CADM1: variants seen among roughly 807,000 people sequenced by gnomAD.
CADM1 encodes TSLC-1.
Under a neutral mutation model 53.1 loss-of-function variants are expected in CADM1, and 15 were observed. The ratio of observed to expected loss-of-function variants is 0.28; its 90% confidence interval spans 0.19 to 0.44. CADM1 has a LOEUF of 0.44. CADM1 is among the 20% of genes least tolerant of loss of function. The pLI is 1.00. For missense variants in CADM1, 434 were observed against 611.3 expected (o/e 0.71, Z 3.06); for synonymous variants, 281 against 243.0 (o/e 1.16, Z -1.45).
chr11:115,488,404 TAG>T (rs1341902557), intron 1 of CADM1, among the ~76,000 whole-genome samples: 3 of 152,170 alleles, frequency 2.0e-5, no homozygotes, highest in Non-Finnish European at 4.4e-5. Context: ...GTCAGGAAGT[TAG>T]AGTTATTGAG....
intron 1 of CADM1, among the ~76,000 whole-genome samples, chr11:115,346,138 A>C (rs1945570505): frequency 6.6e-6 from 1 of 152,150 alleles, no homozygotes; most frequent in Non-Finnish European, 1.5e-5. Context: ...CAGAGAGCAA[A>C]GTGGGGTGCA....
intron 1 of CADM1, among the ~76,000 whole-genome samples, chr11:115,496,369 AAG>A (rs1394953866): frequency 6.6e-6 from 1 of 152,182 alleles, no homozygotes; most frequent in African/African-American, 2.4e-5. Context: ...AAAAAAGATA[AAG>A]AGAGTATTTT....
intron 1 of CADM1, among the ~76,000 whole-genome samples, chr11:115,466,246 G>A (rs563440718): frequency 6.6e-6 from 1 of 152,274 alleles, no homozygotes; most frequent in East Asian, 1.9e-4. Context: ...GACATTTCCT[G>A]CTGGCTGTGA....
At chr11:115,447,804 C>T (rs564467139) in intron 1 of CADM1, among the ~76,000 whole-genome samples, 1 of 152,284 alleles carries the variant, frequency 6.6e-6, no homozygotes, top group Non-Finnish European at 1.5e-5. Context: ...GGGTGGAATT[C>T]CAGCAAGTTT....
chr11:115,401,865 T>C (rs1441256169), intron 1 of CADM1, among the ~76,000 whole-genome samples: 3 of 152,142 alleles, frequency 2.0e-5, no homozygotes, highest in Non-Finnish European at 2.9e-5. Flanking sequence ...GTAGAGGATG[T>C]TGACAACAGG....
chr11:115,467,774 T>A (rs544131457), intron 1 of CADM1, among the ~76,000 whole-genome samples: 3 of 152,284 alleles, frequency 2.0e-5, no homozygotes, highest in Non-Finnish European at 2.9e-5. Flanking sequence ...GGTTTTCTCC[T>A]TACTCTTCAG....
chr11:115,417,334 T>C (rs890296413), intron 1 of CADM1, among the ~76,000 whole-genome samples: 5 of 152,350 alleles, frequency 3.3e-5, no homozygotes, highest in Admixed American at 3.3e-4. Flanking sequence ...AACTAATTCA[T>C]GACTATGCTA....
intron 1 of CADM1, among the ~76,000 whole-genome samples, chr11:115,301,360 G>T (rs1227358287): frequency 6.6e-6 from 1 of 152,116 alleles, no homozygotes; most frequent in Non-Finnish European, 1.5e-5. Context: ...TGGGTGTTGG[G>T]AAGTTTAGTT....
At chr11:115,265,052 T>C (rs1943095515) in intron 1 of CADM1, among the ~76,000 whole-genome samples, 1 of 152,062 alleles carries the variant, frequency 6.6e-6, no homozygotes, top group African/African-American at 2.4e-5. Flanking sequence ...TTAAGAAAAA[T>C]ATAAGGCATT....
At position 115,216,510 on chromosome 11, in the gene CADM1, A is replaced by G. The variant is rs151329704; in HGVS notation, c.821+1382T>C. ...ACTCCATTGGATTATTCTGGAAGAAAGCTGCTAATTAGGGAATAATTCAAA... is the reference window on the plus strand; with the variant it reads ...ACTCCATTGGATTATTCTGGAAGAAGGCTGCTAATTAGGGAATAATTCAAA... On this transcript the variant is annotated intron_variant, in intron 6 of 11. Coordinates refer to ENST00000331581, the MANE Select transcript of CADM1 (RefSeq NM_001301043.2). Among the ~76,000 whole-genome samples, 53 of 152,356 alleles carry G rather than the reference A, an allele frequency of 3.5e-4. 1 individual carries two copies. The East Asian group carries it at 0.01, about 29-fold the overall frequency.
At chr11:115,321,951 G>A (rs78199248) in intron 1 of CADM1, among the ~76,000 whole-genome samples, 5,512 of 152,154 alleles carry the variant, frequency 0.036, 334 homozygotes, top group African/African-American at 0.12. Context: ...CAGAGCACTG[G>A]CATCATGCAT....
At chr11:115,439,637 T>A (rs1228300696) in intron 1 of CADM1, among the ~76,000 whole-genome samples, 1 of 152,222 alleles carries the variant, frequency 6.6e-6, no homozygotes, top group Non-Finnish European at 1.5e-5. Flanking sequence ...CATAAATTAT[T>A]ATGCAAAGTC....
chr11:115,342,437 T>C (rs1945472795), intron 1 of CADM1, among the ~76,000 whole-genome samples: 2 of 152,126 alleles, frequency 1.3e-5, no homozygotes, highest in African/African-American at 2.4e-5. Context: ...AGATTCTACA[T>C]GGAGGAACAG....
At position 115,175,376 on chromosome 11, in the gene CADM1, A is replaced by C; in HGVS notation, c.*1098T>G. On this transcript the variant is annotated 3_prime_UTR_variant, in exon 12 of 12. Transcript: ENST00000331581. ...CTGCCTTCCTAACTAAGCACAAAGG[A>C]AAAAAAAAAAAAAATCAACTCTGTC... 9.2e-6 allele frequency: 1 copy of C among 108,400 alleles called. No individual in the cohort carries two copies. Among genetic ancestry groups the C allele is most frequent in the Non-Finnish European group, 1.1e-5 (1 of 90,990 alleles). The allele number at this position is 108,400 out of a possible 1,614,324, so 6.7% of individuals were successfully genotyped here.
intron 10 of CADM1, among the ~76,000 whole-genome samples, chr11:115,187,010 T>C (rs904808488): frequency 2.6e-5 from 4 of 152,178 alleles, no homozygotes; most frequent in African/African-American, 9.6e-5. Context: ...TCTCAAATAA[T>C]TTTGTTGAAT....
intron 8 of CADM1, among the ~76,000 whole-genome samples, chr11:115,207,461 T>C (rs1166140717): frequency 1.3e-5 from 2 of 152,082 alleles, no homozygotes; most frequent in African/African-American, 4.8e-5. Flanking sequence ...GTTGTAGCTG[T>C]TTGAGGACAT....
chr11:115,335,962 G>A (rs1360703553), intron 1 of CADM1, among the ~76,000 whole-genome samples: 4 of 152,066 alleles, frequency 2.6e-5, no homozygotes, highest in Admixed American at 6.6e-5. Flanking sequence ...CTGCTTTCCA[G>A]AAAATGTCTG....
At chr11:115,496,140 A>G (rs572484865) in intron 1 of CADM1, among the ~76,000 whole-genome samples, 1 of 152,340 alleles carries the variant, frequency 6.6e-6, no homozygotes, top group East Asian at 1.9e-4. Flanking sequence ...ATTTTCACGA[A>G]AATCATGGCC....
At chr11:115,334,775 T>C (rs1945223055) in intron 1 of CADM1, among the ~76,000 whole-genome samples, 1 of 152,030 alleles carries the variant, frequency 6.6e-6, no homozygotes, top group African/African-American at 2.4e-5. Flanking sequence ...CACATTCGAG[T>C]AGTCTATAAC....
Sources: gnomAD v4.1 joint callset for allele counts (sites outside exome capture counted in the v4.1 genomes callset) on GRCh38, gnomAD v4.1.1 for gene constraint, MANE v1.5 for transcripts, NCBI Gene and HGNC (gene_info 2026-07-23, HGNC 2026-07-21) for gene names.